Variants in NELL1 observed in about 807,000 individuals in gnomAD.
The protein encoded by NELL1 is protein kinase C-binding protein NELL1.
NELL1 carries 76 observed loss-of-function variants against 107.4 expected under a neutral mutation model. That is an observed-to-expected ratio of 0.71 (90% CI 0.59 to 0.86). The LOEUF is 0.86. Among genes scored for constraint, NELL1 ranks in the 40% least tolerant of loss-of-function variants. The pLI is 0.00. For missense variants in NELL1, 1,024 were observed against 1,005.5 expected, an observed-to-expected ratio of 1.02 and a Z score of -0.25; for synonymous variants, 353 against 341.2, an observed-to-expected ratio of 1.03 and a Z score of -0.38.
chr11:20,674,499 G>A (rs1228724334), intron 1 of NELL1: 4 of 1,535,952 alleles, frequency 2.6e-6, no homozygotes, highest in East Asian at 2.4e-5. Context: ...CAGAAGATAT[G>A]AAGCCACCCG....
chr11:21,254,281 T>C (rs1858714560), intron 14 of NELL1, among the ~76,000 whole-genome samples: 2 of 151,980 alleles, frequency 1.3e-5, no homozygotes, highest in African/African-American at 4.8e-5. Flanking sequence ...CAAGACTAAA[T>C]AGAACATTCA....
intron 4 of NELL1, among the ~76,000 whole-genome samples, chr11:20,857,542 C>T (rs1012842491): frequency 6.6e-6 from 1 of 152,182 alleles, no homozygotes; most frequent in African/African-American, 2.4e-5. Context: ...AGGCAGTGGG[C>T]AGGTCTCCTG....
At chr11:21,235,192 A>AG (rs1362796504) in intron 14 of NELL1, among the ~76,000 whole-genome samples, 3 of 152,244 alleles carry the variant, frequency 2.0e-5, no homozygotes, top group East Asian at 3.9e-4. Context: ...AAGAATGATG[A>AG]GGGGCAAGAC....
chr11:20,816,264 G>A (rs1857621700), intron 3 of NELL1, among the ~76,000 whole-genome samples: 1 of 152,164 alleles, frequency 6.6e-6, no homozygotes, highest in Admixed American at 6.5e-5. Flanking sequence ...AAACAATGTT[G>A]ATTCTTCAAT....
intron 17 of NELL1, among the ~76,000 whole-genome samples, chr11:21,562,429 G>A (rs1432429863): frequency 1.3e-5 from 2 of 151,738 alleles, no homozygotes; most frequent in Non-Finnish European, 2.9e-5. Flanking sequence ...TTGTTTGTTT[G>A]TGTTCTACAT....
intron 5 of NELL1, among the ~76,000 whole-genome samples, chr11:20,896,240 T>G (rs899357988): frequency 6.6e-6 from 1 of 152,192 alleles, no homozygotes. Flanking sequence ...CAATATTTGG[T>G]TTTCCATTCC....
chr11:21,083,518 T>C (rs796454876), intron 12 of NELL1, among the ~76,000 whole-genome samples: 7 of 152,246 alleles, frequency 4.6e-5, no homozygotes, highest in African/African-American at 1.7e-4. Context: ...GCAGTTACAA[T>C]ACAAATTGTG....
intron 13 of NELL1, among the ~76,000 whole-genome samples, chr11:21,122,830 A>G (rs1855399969): frequency 6.6e-6 from 1 of 152,216 alleles, no homozygotes; most frequent in Non-Finnish European, 1.5e-5. Flanking sequence ...GAATAACATC[A>G]AATGACTCAA....
At chr11:20,757,664 C>T (rs1400325310) in intron 2 of NELL1, among the ~76,000 whole-genome samples, 2 of 152,096 alleles carry the variant, frequency 1.3e-5, no homozygotes, top group African/African-American at 4.8e-5. Context: ...GGAATTCCAC[C>T]GTCATCACCT....
intron 2 of NELL1, among the ~76,000 whole-genome samples, chr11:20,756,895 CA>C (rs1394051987): frequency 1.3e-5 from 2 of 152,078 alleles, no homozygotes; most frequent in African/African-American, 2.4e-5. Flanking sequence ...GGAAAATTCA[CA>C]AACTGGTAAA....
At chr11:21,489,996 G>A (rs1854758844) in intron 15 of NELL1, among the ~76,000 whole-genome samples, 1 of 151,968 alleles carries the variant, frequency 6.6e-6, no homozygotes, top group African/African-American at 2.4e-5. Context: ...CAGAAGAGAG[G>A]AAGTCAGATT....
At chr11:21,133,576 C>A (rs1049480178) in intron 13 of NELL1, among the ~76,000 whole-genome samples, 103 of 152,172 alleles carry the variant, frequency 6.8e-4, no homozygotes, top group African/African-American at 2.4e-3. Flanking sequence ...CCAGAAGGGG[C>A]CCCAAGGTAG....
At chr11:20,787,068 A>G (rs561245042) in intron 3 of NELL1, among the ~76,000 whole-genome samples, 11 of 151,126 alleles carry the variant, frequency 7.3e-5, no homozygotes, top group Middle Eastern at 3.4e-3. Context: ...AGAGCCAAGC[A>G]GGCACCATGA....
intron 3 of NELL1, 137 bp downstream of exon 3, chr11:20,783,967 A>T: frequency 1.3e-6 from 1 of 770,214 alleles, no homozygotes. Context: ...ACATTCATGA[A>T]TTTACTTTGC....
chr11:20,863,517 C>T (rs1160698311), intron 4 of NELL1, among the ~76,000 whole-genome samples: 35 of 148,530 alleles, frequency 2.4e-4, no homozygotes, highest in African/African-American at 6.2e-4. Context: ...GGGTCGCGGC[C>T]GGGCAGAGGT....
At chr11:21,321,269 T>A (rs1463161128) in intron 14 of NELL1, among the ~76,000 whole-genome samples, 2 of 152,000 alleles carry the variant, frequency 1.3e-5, no homozygotes, top group African/African-American at 4.8e-5. Context: ...GCATCAGCAA[T>A]CCATCTCACC....
In NELL1 at chr11:20,929,110, A is replaced by G. The variant is rs570877592; in HGVS notation, c.997+631A>G. ...GAGGCTTAGGGATATTAGCTTACGA[A>G]AATCATGAGGCTGGTGAGTGGCAGA... On this transcript the variant is annotated intron_variant, in intron 9 of 19. Transcript: ENST00000357134. 1.4e-4 allele frequency among the ~76,000 whole-genome samples: 22 copies of G among 152,316 alleles called. No homozygotes were observed. In the South Asian group the frequency reaches 4.3e-3, roughly 30 times the overall value.
chr11:21,477,581 G>A (rs1037925850), intron 15 of NELL1, among the ~76,000 whole-genome samples: 2 of 152,032 alleles, frequency 1.3e-5, no homozygotes, highest in African/African-American at 4.8e-5. Flanking sequence ...TTCTCAGGAA[G>A]GATGGGTACA....
chr11:20,829,980 G>A (rs546928919), intron 3 of NELL1, among the ~76,000 whole-genome samples: 2 of 152,078 alleles, frequency 1.3e-5, no homozygotes, highest in Non-Finnish European at 2.9e-5. Context: ...GAAATTAGTA[G>A]TAAAGGATTT....
Sources: gnomAD v4.1 joint callset for allele counts (sites outside exome capture counted in the v4.1 genomes callset) on GRCh38, gnomAD v4.1.1 for gene constraint, MANE v1.5 for transcripts, NCBI Gene and HGNC (gene_info 2026-07-23, HGNC 2026-07-21) for gene names.